Variants in NKAIN2 observed in about 807,000 individuals in gnomAD.
NKAIN2 encodes sodium/potassium transporting ATPase interacting 2, also known as sodium/potassium-transporting ATPase subunit beta-1-interacting protein 2.
In NKAIN2, 14 loss-of-function variants were observed where a neutral mutation model predicts 32.6. That is an observed-to-expected ratio of 0.43 (90% CI 0.28 to 0.67). The LOEUF (loss-of-function observed/expected upper bound fraction) is 0.67. Among genes scored for constraint, NKAIN2 ranks in the 30% least tolerant of loss-of-function variants. The pLI is 0.17. For synonymous variants in NKAIN2, 80 were observed against 87.2 expected (o/e 0.92, Z 0.46); for missense variants, 198 against 258.3 (o/e 0.77, Z 1.60).
chr6:124,300,178 G>T (rs562461600), intron 2 of NKAIN2, among the ~76,000 whole-genome samples: 2 of 152,230 alleles, frequency 1.3e-5, no homozygotes, highest in South Asian at 4.2e-4. Flanking sequence ...GTGTCAAGTG[G>T]GGGGGCCAGG....
chr6:123,864,139 TA>T (rs1775894778), intron 1 of NKAIN2, among the ~76,000 whole-genome samples: 1 of 152,174 alleles, frequency 6.6e-6, no homozygotes. Flanking sequence ...GAGAAAGCTA[TA>T]AAAAAACATT....
chr6:124,644,318 A>G (rs778163472), intron 3 of NKAIN2, among the ~76,000 whole-genome samples: 33 of 152,102 alleles, frequency 2.2e-4, no homozygotes, highest in Non-Finnish European at 4.3e-4. Flanking sequence ...TTATCATGTT[A>G]ACAATTCTGA....
intron 1 of NKAIN2, among the ~76,000 whole-genome samples, chr6:124,126,191 G>A (rs1786154487): frequency 6.6e-6 from 1 of 151,946 alleles, no homozygotes; most frequent in South Asian, 2.1e-4. Flanking sequence ...AATACTGTCT[G>A]TCTATCTTTC....
chr6:124,121,160 A>G (rs2114988726), intron 1 of NKAIN2, among the ~76,000 whole-genome samples: 1 of 152,050 alleles, frequency 6.6e-6, no homozygotes, highest in Middle Eastern at 3.4e-3. Context: ...TCATGTAATC[A>G]CTCCTCACCT....
At chr6:124,374,375 T>C (rs1799894634) in intron 3 of NKAIN2, among the ~76,000 whole-genome samples, 1 of 152,110 alleles carries the variant, frequency 6.6e-6, no homozygotes. Context: ...ATTAATTTTC[T>C]AATAATGATG....
chr6:124,681,734 G>A (rs1267102999), intron 4 of NKAIN2, among the ~76,000 whole-genome samples: 1 of 151,954 alleles, frequency 6.6e-6, no homozygotes, highest in Non-Finnish European at 1.5e-5. Flanking sequence ...GAATGTTTGG[G>A]AAATCTAAAA....
chr6:123,978,422 G>T (rs1215585785), intron 1 of NKAIN2, among the ~76,000 whole-genome samples: 1 of 152,074 alleles, frequency 6.6e-6, no homozygotes, highest in African/African-American at 2.4e-5. Flanking sequence ...ATACTTTGGG[G>T]CAGAATATAA....
At chr6:124,388,435 G>A (rs1486266255) in intron 3 of NKAIN2, among the ~76,000 whole-genome samples, 1 of 149,994 alleles carries the variant, frequency 6.7e-6, no homozygotes, top group Non-Finnish European at 1.5e-5. Flanking sequence ...GGTAAGGACT[G>A]GTAATGCTGA....
intron 1 of NKAIN2, among the ~76,000 whole-genome samples, chr6:123,826,885 G>A (rs948990158): frequency 2.0e-5 from 3 of 152,070 alleles, no homozygotes; most frequent in African/African-American, 4.8e-5. Flanking sequence ...AGATCATATG[G>A]CATTTCTATT....
At chr6:124,012,027 AC>A (rs2114737349) in intron 1 of NKAIN2, among the ~76,000 whole-genome samples, 1 of 152,296 alleles carries the variant, frequency 6.6e-6, no homozygotes, top group Admixed American at 6.5e-5. Flanking sequence ...CTTCATGTAA[AC>A]AGTCTATTGT....
intron 2 of NKAIN2, among the ~76,000 whole-genome samples, chr6:124,350,936 C>A (rs558285962): frequency 6.6e-6 from 1 of 152,254 alleles, no homozygotes; most frequent in Non-Finnish European, 1.5e-5. Context: ...CTGCAGTGAG[C>A]TATGATAGCA....
chr6:124,447,053 C>T (rs941354441), intron 3 of NKAIN2, among the ~76,000 whole-genome samples: 2 of 152,042 alleles, frequency 1.3e-5, no homozygotes, highest in African/African-American at 4.8e-5. Context: ...TTTTCTACTG[C>T]CACTTTCCAA....
chr6:124,614,830 C>G (rs929459005), intron 3 of NKAIN2, among the ~76,000 whole-genome samples: 1 of 152,148 alleles, frequency 6.6e-6, no homozygotes. Flanking sequence ...TGCCTTCTTT[C>G]AAAAACTGCT....
At chr6:124,577,346 G>A (rs534649006) in intron 3 of NKAIN2, among the ~76,000 whole-genome samples, 3 of 151,414 alleles carry the variant, frequency 2.0e-5, no homozygotes, top group African/African-American at 7.3e-5. Flanking sequence ...CACCCCTCCT[G>A]CACCCCCCAG....
chr6:124,675,130 A>T lies in NKAIN2; in HGVS notation c.474+16744A>T, dbSNP rs544429158. On this transcript the variant is annotated intron_variant, in intron 4 of 6. Transcript: ENST00000368417. The stretch of plus-strand genomic sequence containing the variant: ...CCATTGATCTGATCTTGAGATTTTT[A>T]AATTCCTTCATTCTGTTAATGTGGT... Among the ~76,000 whole-genome samples the T allele has an allele frequency of 3.9e-5, 6 of 152,064 alleles. No homozygotes were observed. The South Asian group carries it at 1.0e-3, about 26-fold the overall frequency.
chr6:123,869,777 A>C (rs113640581), intron 1 of NKAIN2, among the ~76,000 whole-genome samples: 2 of 152,186 alleles, frequency 1.3e-5, no homozygotes, highest in African/African-American at 4.8e-5. Context: ...GCATTTACTT[A>C]TGGTTGGTTA....
chr6:124,598,340 C>A (rs1366277132), intron 3 of NKAIN2, among the ~76,000 whole-genome samples: 1 of 152,118 alleles, frequency 6.6e-6, no homozygotes, highest in Non-Finnish European at 1.5e-5. Context: ...AGTGTCAGCT[C>A]TATATCACTT....
chr6:124,369,237 A>C (rs1031377983), intron 3 of NKAIN2, among the ~76,000 whole-genome samples: 5 of 152,174 alleles, frequency 3.3e-5, no homozygotes, highest in Non-Finnish European at 5.9e-5. Context: ...CCCCCATTTT[A>C]AAAACCTGTG....
In NKAIN2 at chr6:124,415,878, C is replaced by CTTTTT; in HGVS notation, c.273+60544_273+60548dup. ...TTTTTTAATTTGCTTTTTTTATTTG[C>CTTTTT]TTTTTTTTTTTTTTTTTGCTAATTT... On this transcript the variant is annotated intron_variant, in intron 3 of 6. Coordinates refer to ENST00000368417, the MANE Select transcript of NKAIN2 (RefSeq NM_001040214.3). Among the ~76,000 whole-genome samples the CTTTTT allele has an allele frequency of 6.1e-3, 442 of 72,536 alleles. 12 individuals are homozygous for CTTTTT. The highest frequency in any genetic ancestry group is 0.021 in the African/African-American group (422 of 20,026). The allele number at this position is 72,536 out of a possible 152,430, so 47.6% of individuals were successfully genotyped here. A position where few individuals can be genotyped will look rare whatever the true frequency, so the allele number is the denominator to read the frequency against.
Sources: gnomAD v4.1 joint callset for allele counts (sites outside exome capture counted in the v4.1 genomes callset) on GRCh38, gnomAD v4.1.1 for gene constraint, MANE v1.5 for transcripts, NCBI Gene and HGNC (gene_info 2026-07-23, HGNC 2026-07-21) for gene names.